The following HTR2C variants were observed in gnomAD, a reference collection of about 807,000 sequenced individuals.
The protein encoded by HTR2C is 5-hydroxytryptamine (serotonin) receptor 2C, G protein-coupled.
In HTR2C, 5 loss-of-function variants were observed where a neutral mutation model predicts 21.0. That is an observed-to-expected ratio of 0.24 (90% CI 0.12 to 0.50). The LOEUF (loss-of-function observed/expected upper bound fraction) is 0.50, where lower values mean the gene tolerates loss of function less well. Ranked by LOEUF, HTR2C falls within the 20% of genes least tolerant of loss-of-function variation. The probability of loss-of-function intolerance (pLI) is 0.98; values close to 1 mark genes in which losing one functional copy is unlikely to be tolerated. For missense variants in HTR2C, 271 were observed against 371.2 expected, an observed-to-expected ratio of 0.73 and a Z score of 2.22; for synonymous variants, 150 against 145.3, an observed-to-expected ratio of 1.03 and a Z score of -0.23.
chrX:114,712,529 G>T (rs1932906713), intron 2 of HTR2C, among the ~76,000 whole-genome samples: 1 of 112,244 alleles, frequency 8.9e-6, no homozygotes, highest in South Asian at 3.7e-4. Flanking sequence ...TATATCTGCA[G>T]CTGTCAGAAA....
intron 5 of HTR2C, among the ~76,000 whole-genome samples, chrX:114,889,411 G>C (rs1215734819): frequency 1.8e-5 from 2 of 111,878 alleles, no homozygotes; most frequent in Non-Finnish European, 3.8e-5. Context: ...AGAAGTGAGA[G>C]CTTAAGGCCC....
intron 4 of HTR2C, among the ~76,000 whole-genome samples, chrX:114,792,030 A>T (rs1362331470): frequency 8.9e-6 from 1 of 112,098 alleles, no homozygotes; most frequent in Non-Finnish European, 1.9e-5. Context: ...TTTTAGAAAG[A>T]CAAATTCTAC....
chrX:114,808,655 C>T (rs953902851), intron 4 of HTR2C, among the ~76,000 whole-genome samples: 2 of 111,573 alleles, frequency 1.8e-5, no homozygotes, highest in Admixed American at 9.6e-5. Context: ...AGATGTAAGG[C>T]ATTTTAACCG....
chrX:114,710,549 T>C (rs1181440281), intron 2 of HTR2C, among the ~76,000 whole-genome samples: 2 of 111,945 alleles, frequency 1.8e-5, no homozygotes, highest in Non-Finnish European at 3.8e-5. Flanking sequence ...TAATCTGGCA[T>C]TGCATTGTTT....
chrX:114,725,055 G>A (rs1556421576), intron 2 of HTR2C, among the ~76,000 whole-genome samples: 1 of 110,371 alleles, frequency 9.1e-6, no homozygotes, highest in African/African-American at 3.3e-5. Context: ...GAATCTGAAT[G>A]TTGGCCTGCC....
intron 3 of HTR2C, 22 bp from the exon 4 acceptor site, chrX:114,731,270 GTT>G (rs371148134): frequency 2.2e-6 from 2 of 899,289 alleles, no homozygotes; most frequent in Non-Finnish European, 3.0e-6. Flanking sequence ...GTACCTGATT[GTT>G]TTTTTTTTTC....
chrX:114,823,195 G>A (rs1556456946), intron 4 of HTR2C, among the ~76,000 whole-genome samples: 2 of 111,591 alleles, frequency 1.8e-5, no homozygotes, highest in African/African-American at 6.5e-5. Context: ...TAAGTGTCAG[G>A]AGATTTTTCT....
At chrX:114,869,416 A>G (rs1357906140) in intron 5 of HTR2C, among the ~76,000 whole-genome samples, 7 of 111,769 alleles carry the variant, frequency 6.3e-5, no homozygotes, top group Non-Finnish European at 9.4e-5. Context: ...GGAATCGCCT[A>G]TGTGTGGCTA....
chrX:114,598,500 C>T (rs1355557296), intron 1 of HTR2C, among the ~76,000 whole-genome samples: 1 of 111,059 alleles, frequency 9.0e-6, no homozygotes, highest in Non-Finnish European at 1.9e-5. Context: ...TTGAATGATG[C>T]CAATAGAAAT....
intron 5 of HTR2C, among the ~76,000 whole-genome samples, chrX:114,888,908 A>C (rs1277366773): frequency 2.7e-5 from 3 of 111,658 alleles, no homozygotes; most frequent in Non-Finnish European, 3.8e-5. Context: ...AGTTCATTGA[A>C]CGTATTTTAA....
intron 2 of HTR2C, among the ~76,000 whole-genome samples, chrX:114,672,640 G>A (rs1461148776): frequency 9.0e-6 from 1 of 111,667 alleles, no homozygotes; most frequent in Non-Finnish European, 1.9e-5. Flanking sequence ...ATACCTAGCT[G>A]TAAAATAGCT....
chrX:114,648,582 G>A (rs1334577371), intron 2 of HTR2C, among the ~76,000 whole-genome samples: 8 of 111,110 alleles, frequency 7.2e-5, no homozygotes, highest in African/African-American at 2.6e-4. Flanking sequence ...ACAAAAATTA[G>A]CCAGGCATGG....
chrX:114,683,725 G>A (rs1441560235), intron 2 of HTR2C, among the ~76,000 whole-genome samples: 1 of 111,408 alleles, frequency 9.0e-6, no homozygotes, highest in African/African-American at 3.3e-5. Context: ...AACCCTGGAG[G>A]CAGAGGTTGC....
intron 4 of HTR2C, among the ~76,000 whole-genome samples, chrX:114,792,055 G>T (rs782699804): frequency 2.7e-5 from 3 of 111,348 alleles, no homozygotes; most frequent in Non-Finnish European, 5.7e-5. Context: ...AAGCCCCAAG[G>T]TCTATCCATT....
chrX:114,776,581 G>T, intron 4 of HTR2C: 1 of 523,906 alleles, frequency 1.9e-6, no homozygotes, highest in Non-Finnish European at 3.5e-6. Flanking sequence ...CAAAAACCGT[G>T]TTGGTGGGGT....
intron 4 of HTR2C, among the ~76,000 whole-genome samples, chrX:114,752,466 G>C (rs782271904): frequency 9.0e-6 from 1 of 110,661 alleles, no homozygotes; most frequent in African/African-American, 3.3e-5. Flanking sequence ...AAAGAAAAGC[G>C]CATGCCTTCT....
At chrX:114,690,880 C>T (rs1231964417) in intron 2 of HTR2C, among the ~76,000 whole-genome samples, 1 of 111,198 alleles carries the variant, frequency 9.0e-6, no homozygotes, top group African/African-American at 3.3e-5. Context: ...AGGTTGATTC[C>T]TTTTTTGACA....
intron 2 of HTR2C, among the ~76,000 whole-genome samples, chrX:114,650,107 A>G (rs782417647): frequency 7.9e-4 from 88 of 112,077 alleles, no homozygotes; most frequent in South Asian, 1.9e-3. Flanking sequence ...AGTGGATAGC[A>G]TAAATCTCTA....
Position 114,731,376 on chromosome X carries a change from A to G in HTR2C, c.118A>G (p.Thr40Ala), listed in dbSNP as rs2069535158. Reference protein sequence around the residue: ...VAAIVTDIFNTSDGGRFKFPD... With the variant: ...VAAIVTDIFNASDGGRFKFPD... ...AGCTATAGTAACTGACATTTTCAAT[A>G]CCTCCGATGGTGGACGCTTCAAATT... Residue 40 changes from threonine to alanine, a missense_variant, in exon 4 of 6, where the codon ACC (threonine) becomes GCC (alanine). Coordinates refer to ENST00000276198, the MANE Select transcript of HTR2C (RefSeq NM_000868.4). The G allele has an allele frequency of 1.7e-6, 2 of 1,203,470 alleles. No individual in the cohort carries two copies. Among genetic ancestry groups the G allele is most frequent in the African/African-American group, 3.5e-5 (2 of 56,602 alleles).
Sources: gnomAD v4.1 joint callset for allele counts (sites outside exome capture counted in the v4.1 genomes callset) on GRCh38, gnomAD v4.1.1 for gene constraint, MANE v1.5 for transcripts, NCBI Gene and HGNC (gene_info 2026-07-23, HGNC 2026-07-21) for gene names.